ACD: variants seen among roughly 807,000 people sequenced by gnomAD.
ACD encodes adrenocortical dysplasia protein homolog.
ACD carries 39 observed loss-of-function variants against 53.9 expected under a neutral mutation model. That is an observed-to-expected ratio of 0.72 (90% CI 0.56 to 0.95). The LOEUF (loss-of-function observed/expected upper bound fraction) is 0.95, where lower values mean the gene tolerates loss of function less well. Ranked by LOEUF, ACD falls within the 40% of genes least tolerant of loss-of-function variation. ACD has a pLI of 0.00. For missense variants in ACD, 526 were observed against 587.9 expected (o/e 0.89, Z 1.09); for synonymous variants, 273 against 249.2 (o/e 1.10, Z -0.90).
At position 67,659,949 on chromosome 16, in the gene ACD, T is replaced by C; in HGVS notation, c.196A>G (p.Ser66Gly). ...ATLLVSDGTH[S>G]VRCLVTREAL... is the part of the protein sequence containing the mutation. ...TCCCGCGTCACCAGGCATCGGACAC[T>C]GTGGGTCCCGTCAGACACAAGCAGC... is the stretch of plus-strand genomic sequence containing the variant. Residue 66 changes from serine to glycine, a missense_variant, in exon 2 of 12, where the codon AGT (serine) becomes GGT (glycine). Ser to Gly is a moderately conservative substitution (Grantham distance 56, BLOSUM62 0). Transcript: ENST00000620761. 6.2e-7 allele frequency: 1 copy of C among 1,608,302 alleles called. No homozygotes were observed. The highest frequency in any genetic ancestry group is 8.5e-7 in the Non-Finnish European group (1 of 1,178,854).
rs766962010 is a variant in ACD, at chr16:67,658,946, G to T, written c.627C>A (p.Ala209=). 15 of 1,613,834 alleles carry T rather than the reference G, an allele frequency of 9.3e-6. No individual in the cohort carries two copies. The highest frequency in any genetic ancestry group is 1.3e-5 in the Non-Finnish European group (15 of 1,179,956). ...CTAPPVTHWA[A]SRCKATGEAV... ...GACTGACCGTGGCCTTGCATCGTGA[G>T]GCAGCCCAGTGGGTGACAGGGGGTG... Residue 209 remains alanine (A), a synonymous_variant, in exon 7 of 12, where the codon GCC becomes GCA. Transcript: ENST00000620761.
chr16:67,657,901 C>T lies in ACD; in HGVS notation c.1207-48G>A. 1 of 1,613,032 alleles carries T rather than the reference C, an allele frequency of 6.2e-7. No homozygotes were observed. Among genetic ancestry groups the T allele is most frequent in the Non-Finnish European group, 8.5e-7 (1 of 1,179,486 alleles). On this transcript the variant is annotated intron_variant, in intron 10 of 11. Transcript: ENST00000620761. The surrounding 1 kb of genome is among the most constrained non-coding windows in gnomAD (Gnocchi z 4.5). ...GGAAGAGCTAACAAGGACCCCAACCCCATCCAAGGCTACCCATGCTCCCTC... is the reference window on the plus strand; with the variant it reads ...GGAAGAGCTAACAAGGACCCCAACCTCATCCAAGGCTACCCATGCTCCCTC...
In ACD at chr16:67,657,789, G is replaced by A. The variant is rs2052899904; in HGVS notation, c.1271C>T (p.Ser424Phe). 1 of 1,613,978 alleles carries A rather than the reference G, an allele frequency of 6.2e-7. No homozygotes were observed. Among genetic ancestry groups the A allele is most frequent in the Non-Finnish European group, 8.5e-7 (1 of 1,180,026 alleles). ...FQYEYEPPCT[S>F]LCARVQAVRL... is the part of the protein sequence containing the mutation. ...GACAGCTTGGACCCGAGCACAGAGG[G>A]ACGTGCAGGGTGGCTCATACTCATA... The change falls in exon 11 of 12, where the codon TCC (serine) becomes TTC (phenylalanine). Residue 424 changes from serine (S) to phenylalanine (F), a missense_variant. Ser to Phe is a radical substitution (Grantham distance 155). Transcript: ENST00000620761. The surrounding 1 kb of genome is among the most constrained non-coding windows in gnomAD (Gnocchi z 4.5).
Position 67,658,985 on chromosome 16 carries a change from C to T in ACD, c.588G>A (p.Glu196=), listed in dbSNP as rs749050643. 3 of 1,613,914 alleles carry T rather than the reference C, an allele frequency of 1.9e-6. No individual in the cohort carries two copies. The highest frequency in any genetic ancestry group is 1.1e-5 in the South Asian group (1 of 91,086). ...TGACAGGGGGTGCTGTGCAAGGGCC[C>T]TCCAGTGTCAGGCAGCTTTCAGCCA... ...VCLAESCLTL[E]GPCTAPPVTH... The change falls in exon 7 of 12, where the codon GAG becomes GAA. Residue 196 remains glutamate (E), a synonymous_variant. Coordinates refer to ENST00000620761, the MANE Select transcript of ACD (RefSeq NM_001082486.2).
At position 67,657,564 on chromosome 16, in the gene ACD, A is replaced by G. The variant is rs1360165928; in HGVS notation, c.*42T>C. ...TGAGATTATTTTATTAAAAAACTCA[A>G]AGGAAGCAGAGTGTGGAGCGGTATC... On this transcript the variant is annotated 3_prime_UTR_variant, in exon 12 of 12. Transcript: ENST00000620761. This position sits in a 1 kb window ranked among gnomAD's most constrained non-coding sequence, Gnocchi z 4.5. The G allele has an allele frequency of 1.9e-6, 3 of 1,613,988 alleles. No individual in the cohort carries two copies. Among genetic ancestry groups the G allele is most frequent in the Admixed American group, 3.3e-5 (2 of 60,028 alleles).
intron 4 of ACD, 30 bp from the exon 5 acceptor site, chr16:67,659,449 G>A (rs750088453): frequency 1.9e-6 from 3 of 1,614,038 alleles, no homozygotes; most frequent in South Asian, 1.1e-5. Flanking sequence ...AGTTAATGGG[G>A]GCCCAAGCCC....
In ACD at chr16:67,657,993, G is replaced by A. The variant is rs772771047; in HGVS notation, c.1199C>T (p.Ser400Phe). 1.9e-6 allele frequency: 3 copies of A among 1,563,074 alleles called. No homozygotes were observed. The highest frequency in any genetic ancestry group is 1.8e-5 in the Admixed American group (1 of 54,370). Residue 400 changes from serine to phenylalanine, a missense_variant, in exon 10 of 12, where the codon TCT (serine) becomes TTT (phenylalanine). Coordinates refer to ENST00000620761, the MANE Select transcript of ACD (RefSeq NM_001082486.2). This position sits in a 1 kb window ranked among gnomAD's most constrained non-coding sequence, Gnocchi z 4.5. ...CAGAGGGGCTATGCTCACCCAGACA[G>A]AGCAGGGCTCCTGGGCTCCCCTGGT... is the stretch of plus-strand genomic sequence containing the variant. Reference protein sequence around the residue: ...GATRGAQEPCSVWEPPKRHRD... With the variant: ...GATRGAQEPCFVWEPPKRHRD...
Position 67,659,419 on chromosome 16 carries a change from G to A in ACD, c.414C>T (p.Cys138=), listed in dbSNP as rs1420618228. Residue 138 remains cysteine (C), a splice_region_variant and synonymous_variant, in exon 5 of 12, where the codon TGC becomes TGT. Coordinates refer to ENST00000620761, the MANE Select transcript of ACD (RefSeq NM_001082486.2). ...TEQPRLRVPG[C]NQDLDVQKKL... The stretch of plus-strand genomic sequence containing the variant: ...TTTTCTGAACATCTAAGTCTTGGTT[G>A]CTAAGAAAAAGAGAAGGGTAGTTAA... 1 of 1,614,052 alleles carries A rather than the reference G, an allele frequency of 6.2e-7. No individual in the cohort carries two copies. The highest frequency in any genetic ancestry group is 8.5e-7 in the Non-Finnish European group (1 of 1,180,024).
At chr16:67,658,683 C>T (rs1214901668) in intron 8 of ACD, 37 bp downstream of exon 8, 1 of 1,593,334 alleles carries the variant, frequency 6.3e-7, no homozygotes, top group South Asian at 1.1e-5. Context: ...TGGACCTGGG[C>T]CCCAGGTATC....
rs771802167 is a variant in ACD, at chr16:67,657,991, C to T, written c.1201G>A (p.Val401Ile). 1.9e-5 allele frequency: 30 copies of T among 1,561,970 alleles called. No homozygotes were observed. Among genetic ancestry groups the T allele is most frequent in the African/African-American group, 4.1e-5 (3 of 73,584 alleles). ...TGCAGAGGGGCTATGCTCACCCAGA[C>T]AGAGCAGGGCTCCTGGGCTCCCCTG... is the stretch of plus-strand genomic sequence containing the variant. ...ATRGAQEPCS[V>I]WEPPKRHRDG... The change falls in exon 10 of 12, where the codon GTC becomes ATC. Residue 401 changes from valine (V) to isoleucine (I), a missense_variant. Val to Ile is a conservative substitution (Grantham distance 29). Coordinates refer to ENST00000620761, the MANE Select transcript of ACD (RefSeq NM_001082486.2). The surrounding 1 kb of genome is among the most constrained non-coding windows in gnomAD (Gnocchi z 4.5).
In ACD at chr16:67,659,012, G is replaced by C; in HGVS notation, c.561C>G (p.Cys187Trp). ...EDQEHQGALVCLAESCLTLEG... is the reference protein window; with the variant it reads ...EDQEHQGALVWLAESCLTLEG... ...CCAGTGTCAGGCAGCTTTCAGCCAG[G>C]CACACGAGTGCCCCCTGATGCTCCT... The change falls in exon 7 of 12, where the codon TGC becomes TGG. Residue 187 changes from cysteine (C) to tryptophan (W), a missense_variant. Coordinates refer to ENST00000620761, the MANE Select transcript of ACD (RefSeq NM_001082486.2). The C allele has an allele frequency of 6.2e-7, 1 of 1,613,918 alleles. No individual in the cohort carries two copies. The highest frequency in any genetic ancestry group is 8.5e-7 in the Non-Finnish European group (1 of 1,180,010).
rs755166756 is a variant in ACD at position 67,660,002 on chromosome 16, G to C, written c.143C>G (p.Ala48Gly). 8 of 1,608,542 alleles carry C rather than the reference G, an allele frequency of 5.0e-6. No individual in the cohort carries two copies. The East Asian group carries it at 1.6e-4, about 31-fold the overall frequency. Residue 48 changes from alanine (A) to glycine (G), a missense_variant, in exon 2 of 12, where the codon GCC (alanine) becomes GGC (glycine). Coordinates refer to ENST00000620761, the MANE Select transcript of ACD (RefSeq NM_001082486.2). ...GGCCCCGACGTCGGACGTATCAGGG[G>C]CGTGGGATGGGCCCGCGACCGCGGC... is the stretch of plus-strand genomic sequence containing the variant. ...AEAAVAGPSHAPDTSDVGATL... is the reference protein window; with the variant it reads ...AEAAVAGPSHGPDTSDVGATL...
chr16:67,657,741 G>A lies in ACD; in HGVS notation c.1298+21C>T, dbSNP rs774579737. The stretch of plus-strand genomic sequence containing the variant: ...AGCCTGGGACTAGTGACCAAGAGTT[G>A]GGGCAGACCCAGGCACTCACCTGAC... On this transcript the variant is annotated intron_variant, in intron 11 of 11. Coordinates refer to ENST00000620761, the MANE Select transcript of ACD (RefSeq NM_001082486.2). This position sits in a 1 kb window ranked among gnomAD's most constrained non-coding sequence, Gnocchi z 4.5. The A allele has an allele frequency of 9.9e-6, 16 of 1,613,900 alleles. No homozygotes were observed. In the Admixed American group the frequency reaches 2.7e-4, roughly 27 times the overall value.
At chr16:67,659,668 C>T in intron 3 of ACD, 34 bp downstream of exon 3, 1 of 1,612,974 alleles carries the variant, frequency 6.2e-7, no homozygotes, top group Non-Finnish European at 8.5e-7. Flanking sequence ...AGAGTCATGC[C>T]CGGTAACCCG....
chr16:67,659,821 C>G lies in ACD; in HGVS notation c.243-26G>C, dbSNP rs1567642152. 8.8e-6 allele frequency: 14 copies of G among 1,593,666 alleles called. 1 individual carries two copies. The highest frequency in any genetic ancestry group is 1.7e-4 in the Middle Eastern group (1 of 5,988). The stretch of plus-strand genomic sequence containing the variant: ...CTGCAACAAGCAGGATCCTCACTGC[C>G]GGGCCCACCTGAACACAAGGCCCGC... On this transcript the variant is annotated intron_variant, in intron 2 of 11. Coordinates refer to ENST00000620761, the MANE Select transcript of ACD (RefSeq NM_001082486.2).
intron 9 of ACD, 22 bp downstream of exon 9, chr16:67,658,533 T>G (rs747655919): frequency 6.4e-7 from 1 of 1,568,962 alleles, no homozygotes; most frequent in East Asian, 2.2e-5. Flanking sequence ...AGTGAGTGCC[T>G]GTGACCTGTG....
At chr16:67,659,637 G>A in intron 3 of ACD, 24 bp from the exon 4 acceptor site, 5 of 1,613,108 alleles carry the variant, frequency 3.1e-6, no homozygotes, top group Non-Finnish European at 3.4e-6. Flanking sequence ...GGGGGAAGGG[G>A]GGGTCTCAGA....
Position 67,657,783 on chromosome 16 carries a change from C to G in ACD, c.1277G>C (p.Cys426Ser), listed in dbSNP as rs1445369071. ...TCACCTGACAGCTTGGACCCGAGCACAGAGGGACGTGCAGGGTGGCTCATA... is the reference window on the plus strand; with the variant it reads ...TCACCTGACAGCTTGGACCCGAGCAGAGAGGGACGTGCAGGGTGGCTCATA... ...YEYEPPCTSL[C>S]ARVQAVRLPP... The change falls in exon 11 of 12, where the codon TGT (cysteine) becomes TCT (serine). Residue 426 changes from cysteine to serine, a missense_variant. Coordinates refer to ENST00000620761, the MANE Select transcript of ACD (RefSeq NM_001082486.2). The surrounding 1 kb of genome is among the most constrained non-coding windows in gnomAD (Gnocchi z 4.5). 1 of 1,614,100 alleles carries G rather than the reference C, an allele frequency of 6.2e-7. No individual in the cohort carries two copies.
In ACD at chr16:67,658,337, C is replaced by A; in HGVS notation, c.855G>T (p.Met285Ile). Reference protein sequence around the residue: ...SSGTPALPGHMSSEESGTSIS... With the variant: ...SSGTPALPGHISSEESGTSIS... ...TGCTGGTACCACTTTCCTCGGATGACATGTGGCCGGGTAAGGCCGGGGTTC... is the reference window on the plus strand; with the variant it reads ...TGCTGGTACCACTTTCCTCGGATGAAATGTGGCCGGGTAAGGCCGGGGTTC... The change falls in exon 10 of 12, where the codon ATG becomes ATT. Residue 285 changes from methionine to isoleucine, a missense_variant. Coordinates refer to ENST00000620761, the MANE Select transcript of ACD (RefSeq NM_001082486.2). 6.2e-7 allele frequency: 1 copy of A among 1,613,832 alleles called. No homozygotes were observed. Among genetic ancestry groups the A allele is most frequent in the Non-Finnish European group, 8.5e-7 (1 of 1,179,990 alleles).
Sources: allele counts gnomAD v4.1 joint callset, GRCh38; gene constraint gnomAD v4.1.1; non-coding constraint Gnocchi (gnomAD v3.1); transcripts MANE v1.5; gene names NCBI Gene and HGNC (gene_info 2026-07-23, HGNC 2026-07-21).